The following BAZ1B variants were observed in gnomAD, a reference collection of about 807,000 sequenced individuals.
BAZ1B encodes the protein bromodomain adjacent to zinc finger domain 1B, also known as tyrosine-protein kinase BAZ1B.
In BAZ1B, 22 loss-of-function variants were observed where a neutral mutation model predicts 153.8. The observed-to-expected ratio is 0.14, with a 90% CI of 0.10 to 0.20. The LOEUF (loss-of-function observed/expected upper bound fraction) is 0.20. Ranked by LOEUF, BAZ1B falls within the 10% of genes least tolerant of loss-of-function variation. BAZ1B has a pLI of 1.00. For missense variants in BAZ1B, 1,325 were observed against 1,799.3 expected, an observed-to-expected ratio of 0.74 and a Z score of 4.77; for synonymous variants, 676 against 633.4, an observed-to-expected ratio of 1.07 and a Z score of -1.01.
chr7:73,484,027 G>A (rs1789300095), intron 6 of BAZ1B, among the ~76,000 whole-genome samples: 1 of 152,136 alleles, frequency 6.6e-6, no homozygotes, highest in African/African-American at 2.4e-5. Flanking sequence ...CAGCACTTTG[G>A]GAGGCCGAGG....
In BAZ1B at chr7:73,442,715, C is replaced by T. The variant is rs1787672942; in HGVS notation, c.4094+10G>A. The T allele has an allele frequency of 6.2e-7, 1 of 1,612,842 alleles. No individual in the cohort carries two copies. Among genetic ancestry groups the T allele is most frequent in the Non-Finnish European group, 8.5e-7 (1 of 1,179,130 alleles). ...CTCCTCTCCCCTGCACCTGAGAACA[C>T]AGCACTCACCTGAAGGGCCAGCTGA... On this transcript the variant is annotated intron_variant, in intron 18 of 19. Transcript: ENST00000339594.
chr7:73,442,074 G>A, intron 19 of BAZ1B, 107 bp downstream of exon 19: 1 of 786,996 alleles, frequency 1.3e-6, no homozygotes, highest in Non-Finnish European at 2.0e-6. Context: ...ATAAGCTTGG[G>A]ATGACAGGCG....
Position 73,447,249 on chromosome 7 carries a change from A to G in BAZ1B, c.3844+15T>C, listed in dbSNP as rs1554566880. On this transcript the variant is annotated intron_variant, in intron 16 of 19. Transcript: ENST00000339594. Reference sequence around the variant, plus strand: ...AGACTGTGAAATCAACTACAAAGGCAGACAAAATACTTACATCGCAAACCA... The same window carrying G: ...AGACTGTGAAATCAACTACAAAGGCGGACAAAATACTTACATCGCAAACCA... 8 of 1,613,410 alleles carry G rather than the reference A, an allele frequency of 5.0e-6. No homozygotes were observed. The highest frequency in any genetic ancestry group is 6.8e-6 in the Non-Finnish European group (8 of 1,179,878).
intron 6 of BAZ1B, among the ~76,000 whole-genome samples, chr7:73,486,777 A>G (rs1409448707): frequency 6.6e-6 from 1 of 152,224 alleles, no homozygotes; most frequent in Non-Finnish European, 1.5e-5. Flanking sequence ...GATGGGTCCT[A>G]TGTGATCAAC....
Position 73,445,332 on chromosome 7 carries a change from G to T in BAZ1B, c.3845-1203C>A, listed in dbSNP as rs963086022. Among the ~76,000 whole-genome samples, 17 of 152,080 alleles carry T rather than the reference G, an allele frequency of 1.1e-4. 1 individual carries two copies. Among genetic ancestry groups the T allele is most frequent in the Admixed American group, 1.0e-3 (16 of 15,272 alleles). Reference sequence around the variant, plus strand: ...GCTCAAGCCCAGGCTAGTAAGAAAGGGTAAGAATCTGATGCTTAGGTGCTA... The same window carrying T: ...GCTCAAGCCCAGGCTAGTAAGAAAGTGTAAGAATCTGATGCTTAGGTGCTA... On this transcript the variant is annotated intron_variant, in intron 16 of 19. Transcript: ENST00000339594.
intron 6 of BAZ1B, among the ~76,000 whole-genome samples, chr7:73,486,921 T>G (rs1433026236): frequency 2.0e-5 from 3 of 152,282 alleles, no homozygotes; most frequent in South Asian, 2.1e-4. Context: ...ATTTTATAAA[T>G]AGGAAAAACA....
rs1554567900 is a variant in BAZ1B at position 73,450,193 on chromosome 7, G to A, written c.3581-504C>T. 6.6e-6 allele frequency among the ~76,000 whole-genome samples: 1 copy of A among 151,936 alleles called. No individual in the cohort carries two copies. The highest frequency in any genetic ancestry group is 2.4e-5 in the African/African-American group (1 of 41,362). The stretch of plus-strand genomic sequence containing the variant: ...CTCCCAAAGTGCTGGGATTACAGGC[G>A]TGAGCCACCGCGCCCGGCCCCTGAT... On this transcript the variant is annotated intron_variant, in intron 14 of 19. Transcript: ENST00000339594. This position sits in a 1 kb window ranked among gnomAD's most constrained non-coding sequence, Gnocchi z 4.1.
chr7:73,463,228 TTTTC>T lies in BAZ1B; in HGVS notation c.3072-133_3072-130del, dbSNP rs1788457289. 6 of 849,336 alleles carry T rather than the reference TTTTC, an allele frequency of 7.1e-6. No homozygotes were observed. In the East Asian group the frequency reaches 1.1e-4, roughly 15 times the overall value. 52.6% of individuals were successfully genotyped at this position (849,336 alleles called of 1,614,324 possible). A position where few individuals can be genotyped will look rare whatever the true frequency, so the allele number is the denominator to read the frequency against. ...ATCTCTTTCACCTCTCCCTGGTGTTTTTTCTTTTTTCTTTTTTTTTTTTTTTTTT... is the reference window on the plus strand; with the variant it reads ...ATCTCTTTCACCTCTCCCTGGTGTTTTTTTTTCTTTTTTTTTTTTTTTTTT... On this transcript the variant is annotated intron_variant, in intron 11 of 19. Transcript: ENST00000339594.
At chr7:73,456,635 G>GTT (rs1190274411) in intron 13 of BAZ1B, among the ~76,000 whole-genome samples, 2 of 152,180 alleles carry the variant, frequency 1.3e-5, no homozygotes, top group East Asian at 3.9e-4. Context: ...TACTATTAAA[G>GTT]AAACAGGACA....
intron 13 of BAZ1B, among the ~76,000 whole-genome samples, chr7:73,456,906 T>G (rs1445233668): frequency 1.7e-5 from 2 of 115,978 alleles, no homozygotes; most frequent in South Asian, 5.9e-4. Flanking sequence ...CACACCACTG[T>G]ACTCCGGCCT....
At chr7:73,515,004 G>A (rs782558264) in intron 1 of BAZ1B, among the ~76,000 whole-genome samples, 2 of 152,014 alleles carry the variant, frequency 1.3e-5, no homozygotes, top group Non-Finnish European at 2.9e-5. Flanking sequence ...TGAGGAAGGC[G>A]GAGGTTGCAG....
intron 1 of BAZ1B, among the ~76,000 whole-genome samples, chr7:73,512,151 C>T (rs993140423): frequency 2.6e-5 from 4 of 151,342 alleles, no homozygotes; most frequent in Non-Finnish European, 5.9e-5. Context: ...CATTTACCCA[C>T]AGCCCTCCAG....
At position 73,475,765 on chromosome 7, in the gene BAZ1B, AAC is replaced by A. The variant is rs781895408; in HGVS notation, c.2593+1101_2593+1102del. On this transcript the variant is annotated intron_variant, in intron 7 of 19. Coordinates refer to ENST00000339594, the MANE Select transcript of BAZ1B (RefSeq NM_032408.4). Reference sequence around the variant, plus strand: ...CACGGTGAAACCCCATCTCTACAAAAACACAAAAATTGGCCAGGCATGATGGC... The same window carrying A: ...CACGGTGAAACCCCATCTCTACAAAAACAAAAATTGGCCAGGCATGATGGC... Among the ~76,000 whole-genome samples the A allele has an allele frequency of 1.8e-4, 27 of 152,150 alleles. 1 individual carries two copies. In the East Asian group the frequency reaches 2.5e-3, roughly 14 times the overall value.
intron 13 of BAZ1B, among the ~76,000 whole-genome samples, chr7:73,458,497 G>GA: frequency 6.6e-6 from 1 of 152,056 alleles, no homozygotes; most frequent in East Asian, 1.9e-4. Flanking sequence ...CCAACATGGT[G>GA]AAACCCCGTC....
chr7:73,442,105 T>C (rs1241639577), intron 19 of BAZ1B, 76 bp downstream of exon 19: 61 of 994,594 alleles, frequency 6.1e-5, no homozygotes, highest in Non-Finnish European at 8.5e-5. Flanking sequence ...CCCTGTGATC[T>C]CTTCCAGGTT....
chr7:73,514,472 G>A (rs971530833), intron 1 of BAZ1B, among the ~76,000 whole-genome samples: 20 of 151,084 alleles, frequency 1.3e-4, no homozygotes, highest in African/African-American at 4.4e-4. Context: ...GACGGAGGTC[G>A]CAGTGAGCTG....
intron 9 of BAZ1B, among the ~76,000 whole-genome samples, chr7:73,468,612 C>T (rs188505714): frequency 6.6e-6 from 1 of 152,108 alleles, no homozygotes; most frequent in East Asian, 1.9e-4. Flanking sequence ...CTTTTACAAA[C>T]TGAACACATA....
Position 73,477,054 on chromosome 7 carries a change from C to G in BAZ1B, c.2407G>C (p.Ala803Pro). ...AEKQKRKEMEAKNKENGKVEN... is the reference protein window; with the variant it reads ...AEKQKRKEMEPKNKENGKVEN... The stretch of plus-strand genomic sequence containing the variant: ...ACTTTTCCATTTTCTTTATTTTTGG[C>G]TTCCATTTCTTTCCGTTTCTGTTTC... The change falls in exon 7 of 20, where the codon GCC (alanine) becomes CCC (proline). Residue 803 changes from alanine (A) to proline (P), a missense_variant. By Grantham distance (27) the Ala-to-Pro change is conservative. Around this residue, in one of 9 missense-constraint regions of BAZ1B, gnomAD observed 431 missense variants for 563.5 expected, o/e 0.76. Transcript: ENST00000339594. The surrounding 1 kb of genome is among the most constrained non-coding windows in gnomAD (Gnocchi z 5.6). 1 of 1,614,078 alleles carries G rather than the reference C, an allele frequency of 6.2e-7. No individual in the cohort carries two copies. The highest frequency in any genetic ancestry group is 8.5e-7 in the Non-Finnish European group (1 of 1,180,012).
intron 1 of BAZ1B, among the ~76,000 whole-genome samples, chr7:73,513,631 GGGGAGTGGAA>G (rs1790673823): frequency 6.6e-6 from 1 of 152,154 alleles, no homozygotes; most frequent in African/African-American, 2.4e-5. Context: ...TACTGAACTA[GGGGAGTGGAA>G]GGGATGGGTA....
Sources: gnomAD v4.1 joint callset for allele counts (sites outside exome capture counted in the v4.1 genomes callset) on GRCh38, gnomAD v4.1.1 for gene constraint, gnomAD v4.1.1 regional missense constraint, Gnocchi (gnomAD v3.1) non-coding constraint, MANE v1.5 for transcripts, NCBI Gene and HGNC (gene_info 2026-07-23, HGNC 2026-07-21) for gene names.